OR2C1: variants seen among roughly 807,000 people sequenced by gnomAD.
OR2C1 encodes the protein olfactory receptor family 2 subfamily C member 1, also known as olfactory receptor 2C1.
For missense variants in OR2C1, 468 were observed against 388.3 expected (o/e 1.21, Z -1.73); for synonymous variants, 209 against 167.3 (o/e 1.25, Z -1.92).
At chr16:3,323,054 C>T in the OR2C1 span, 13 of 596,666 alleles carry the variant, frequency 2.2e-5, no homozygotes, top group South Asian at 9.9e-5. Context: ...TTTTTTTAAC[C>T]CTTCCTTTCC....
chr16:3,350,526 C>G, the OR2C1 span, among the ~76,000 whole-genome samples: 6,606 of 151,558 alleles, frequency 0.044, 189 homozygotes, highest in Middle Eastern at 0.061. Context: ...ATTCTCCTGC[C>G]TCAGCCTCCC....
the OR2C1 span, among the ~76,000 whole-genome samples, chr16:3,331,168 G>A: frequency 4.6e-5 from 7 of 152,086 alleles, no homozygotes; most frequent in African/African-American, 1.7e-4. Flanking sequence ...TGTGTGTTTC[G>A]GCTGCATAAA....
At chr16:3,350,218 G>A in the OR2C1 span, among the ~76,000 whole-genome samples, 1 of 151,144 alleles carries the variant, frequency 6.6e-6, no homozygotes, top group African/African-American at 2.4e-5. Flanking sequence ...ACCACGCCCG[G>A]CTAATTTTTG....
At chr16:3,352,885 A>G (rs2030595683), upstream of OR2C1, among the ~76,000 whole-genome samples, 1 of 151,340 alleles carries the variant, frequency 6.6e-6, no homozygotes, top group Non-Finnish European at 1.5e-5. Flanking sequence ...GGGATTACAG[A>G]CATGTAGCAC....
chr16:3,349,653 G>A, the OR2C1 span, among the ~76,000 whole-genome samples: 13 of 152,024 alleles, frequency 8.6e-5, no homozygotes, highest in Non-Finnish European at 1.6e-4. Flanking sequence ...AGAGAGAGGC[G>A]AACAGGGGGG....
chr16:3,339,187 A>T, the OR2C1 span, among the ~76,000 whole-genome samples: 1 of 151,686 alleles, frequency 6.6e-6, no homozygotes, highest in Non-Finnish European at 1.5e-5. Flanking sequence ...ATATATCAGT[A>T]CTTTGTTCAT....
chr16:3,354,171 G>A (rs1010178319), upstream of OR2C1, among the ~76,000 whole-genome samples: 1 of 151,990 alleles, frequency 6.6e-6, no homozygotes, highest in Non-Finnish European at 1.5e-5. Flanking sequence ...TATTAGTAGA[G>A]ACGGGGTTTC....
the OR2C1 span, among the ~76,000 whole-genome samples, chr16:3,341,472 T>C: frequency 6.6e-6 from 1 of 152,184 alleles, no homozygotes; most frequent in African/African-American, 2.4e-5. Context: ...AAACTTCTAG[T>C]ATAATGCTAA....
upstream of OR2C1, among the ~76,000 whole-genome samples, chr16:3,354,550 G>A (rs1363122745): frequency 6.6e-6 from 1 of 152,100 alleles, no homozygotes; most frequent in Admixed American, 6.6e-5. Flanking sequence ...TGGAGCATAA[G>A]TCTGTATCTA....
At chr16:3,339,115 A>G in the OR2C1 span, among the ~76,000 whole-genome samples, 1 of 152,110 alleles carries the variant, frequency 6.6e-6, no homozygotes, top group African/African-American at 2.4e-5. Flanking sequence ...ACAATATGTG[A>G]CCTTTTGGGT....
At chr16:3,349,122 C>G in the OR2C1 span, among the ~76,000 whole-genome samples, 1 of 152,162 alleles carries the variant, frequency 6.6e-6, no homozygotes, top group African/African-American at 2.4e-5. Context: ...CCACCCCCCT[C>G]CCCCACGTTG....
the OR2C1 span, among the ~76,000 whole-genome samples, chr16:3,337,427 C>A: frequency 6.6e-6 from 1 of 152,046 alleles, no homozygotes; most frequent in African/African-American, 2.4e-5. Flanking sequence ...CCTCAGCCTC[C>A]CAAAGTGCTG....
the OR2C1 span, among the ~76,000 whole-genome samples, chr16:3,350,168 G>A: frequency 3.0e-5 from 4 of 133,838 alleles, no homozygotes; most frequent in South Asian, 5.2e-4. Context: ...CGATTCTCCC[G>A]CCTCAACCTC....
chr16:3,326,031 A>G, the OR2C1 span, among the ~76,000 whole-genome samples: 1 of 151,376 alleles, frequency 6.6e-6, no homozygotes, highest in African/African-American at 2.4e-5. Flanking sequence ...CCTGGGTTCA[A>G]GCAATTCTCC....
At chr16:3,353,984 T>TTTC (rs1443036853), upstream of OR2C1, among the ~76,000 whole-genome samples, 10 of 104,462 alleles carry the variant, frequency 9.6e-5, no homozygotes, top group African/African-American at 4.1e-4. Context: ...TTTTCTTTTC[T>TTTC]TTTTTTTTTT....
the OR2C1 span, among the ~76,000 whole-genome samples, chr16:3,326,033 C>G: frequency 6.6e-6 from 1 of 150,984 alleles, no homozygotes; most frequent in African/African-American, 2.4e-5. Flanking sequence ...TGGGTTCAAG[C>G]AATTCTCCTG....
At chr16:3,329,065 G>A in the OR2C1 span, among the ~76,000 whole-genome samples, 1 of 151,558 alleles carries the variant, frequency 6.6e-6, no homozygotes, top group Non-Finnish European at 1.5e-5. Flanking sequence ...CATGATCTTG[G>A]CTCACTGACG....
At chr16:3,326,243 T>G in the OR2C1 span, among the ~76,000 whole-genome samples, 5,534 of 152,220 alleles carry the variant, frequency 0.036, 367 homozygotes, top group African/African-American at 0.12. Flanking sequence ...TGCATTCTTA[T>G]GATGACAGCC....
the OR2C1 span, among the ~76,000 whole-genome samples, chr16:3,337,587 T>A: frequency 2.6e-5 from 4 of 152,014 alleles, no homozygotes; most frequent in African/African-American, 9.7e-5. Flanking sequence ...GATTCCTGTT[T>A]GATTTTTTTT....
Sources: allele counts gnomAD v4.1 joint callset (sites outside exome capture counted in the v4.1 genomes callset), GRCh38; gene constraint gnomAD v4.1.1; transcripts MANE v1.5; gene names NCBI Gene and HGNC (gene_info 2026-07-23, HGNC 2026-07-21).